The following LOC400499 variants were observed in gnomAD, a reference collection of about 807,000 sequenced individuals.
At chr16:11,503,998 T>C in the LOC400499 span, among the ~76,000 whole-genome samples, 836 of 152,302 alleles carry the variant, frequency 5.5e-3, 7 homozygotes, top group Non-Finnish European at 8.0e-3. Flanking sequence ...CAGCTGCCCT[T>C]GGCACCCTGG....
chr16:11,380,643 G>A, the LOC400499 span, among the ~76,000 whole-genome samples: 1 of 152,110 alleles, frequency 6.6e-6, no homozygotes, highest in African/African-American at 2.4e-5. Flanking sequence ...TATAACGGGT[G>A]ACTGCTTTTC....
chr16:11,463,861 G>A, the LOC400499 span, among the ~76,000 whole-genome samples: 10 of 152,196 alleles, frequency 6.6e-5, no homozygotes, highest in East Asian at 1.9e-4. Context: ...GTAAAGAGAT[G>A]CATATATACG....
At chr16:11,410,941 T>G in the LOC400499 span, among the ~76,000 whole-genome samples, 1 of 152,184 alleles carries the variant, frequency 6.6e-6, no homozygotes, top group Non-Finnish European at 1.5e-5. Context: ...TGCTCCAGCT[T>G]CTACAAGTGT....
the LOC400499 span, among the ~76,000 whole-genome samples, chr16:11,378,804 T>TAACA: frequency 6.6e-6 from 1 of 152,258 alleles, no homozygotes; most frequent in Non-Finnish European, 1.5e-5. Context: ...CTTTGAAGCC[T>TAACA]AACATACAAT....
chr16:11,396,561 G>C, the LOC400499 span: 65 of 1,232,076 alleles, frequency 5.3e-5, no homozygotes, highest in Non-Finnish European at 6.4e-5. Context: ...TGGTTTTGGA[G>C]GGTCAGGCTG....
the LOC400499 span, among the ~76,000 whole-genome samples, chr16:11,462,964 C>T: frequency 2.6e-5 from 4 of 152,194 alleles, no homozygotes; most frequent in Non-Finnish European, 5.9e-5. Context: ...CTGGCTCTCC[C>T]GGCTCCCATC....
At chr16:11,373,247 A>G in the LOC400499 span, among the ~76,000 whole-genome samples, 320 of 152,320 alleles carry the variant, frequency 2.1e-3, 1 homozygote, top group African/African-American at 7.2e-3. Flanking sequence ...CTGTTTCACC[A>G]TCAAGTGGGG....
At chr16:11,510,350 C>T in the LOC400499 span, among the ~76,000 whole-genome samples, 61 of 151,936 alleles carry the variant, frequency 4.0e-4, 2 homozygotes, top group African/African-American at 1.5e-3. Flanking sequence ...TCTCCTTAGC[C>T]CCCCAGGTGC....
the LOC400499 span, among the ~76,000 whole-genome samples, chr16:11,423,732 C>T: frequency 1.3e-5 from 2 of 152,188 alleles, no homozygotes; most frequent in Admixed American, 6.5e-5. Flanking sequence ...AGGACAGCTG[C>T]GGGTGTGAGG....
chr16:11,407,527 G>A, the LOC400499 span, among the ~76,000 whole-genome samples: 1 of 152,208 alleles, frequency 6.6e-6, no homozygotes, highest in East Asian at 1.9e-4. Context: ...CTCAGGTTAG[G>A]CCATCAAGCG....
chr16:11,399,452 C>G, the LOC400499 span: 7 of 402,162 alleles, frequency 1.7e-5, no homozygotes, highest in Admixed American at 2.6e-4. Flanking sequence ...CCTGCCCAGA[C>G]GCTGCTCCCC....
chr16:11,376,541 C>T, the LOC400499 span, among the ~76,000 whole-genome samples: 1 of 152,144 alleles, frequency 6.6e-6, no homozygotes, highest in Non-Finnish European at 1.5e-5. Flanking sequence ...TATTTCATTC[C>T]ACTGGTCTGT....
At chr16:11,463,649 G>A in the LOC400499 span, among the ~76,000 whole-genome samples, 1 of 152,192 alleles carries the variant, frequency 6.6e-6, no homozygotes, top group Non-Finnish European at 1.5e-5. Context: ...CACGTGGATT[G>A]TGTGAATATG....
the LOC400499 span, among the ~76,000 whole-genome samples, chr16:11,466,921 TTGTG>T: frequency 7.1e-4 from 107 of 151,182 alleles, no homozygotes; most frequent in Admixed American, 7.2e-4. Context: ...TATATGTGTA[TTGTG>T]TGTGTGTGTG....
the LOC400499 span, chr16:11,446,906 G>C: frequency 6.5e-7 from 1 of 1,534,080 alleles, no homozygotes; most frequent in Non-Finnish European, 8.7e-7. Context: ...AGGTGCAACG[G>C]GTGCCTGGTG....
the LOC400499 span, chr16:11,478,028 G>A: frequency 7.3e-5 from 29 of 398,632 alleles, no homozygotes; most frequent in South Asian, 1.3e-4. Flanking sequence ...AATGATAAGC[G>A]GGGGCCGGGC....
At chr16:11,483,994 C>CTTTTTTTTTTTTTTTTTTTTTTTTTT in the LOC400499 span, among the ~76,000 whole-genome samples, 1 of 34,830 alleles carries the variant, frequency 2.9e-5, no homozygotes, top group Non-Finnish European at 4.8e-5. Flanking sequence ...GAGGAAGGGA[C>CTTTTTTTTTTTTTTTTTTTTTTTTTT]TTTTTTTTTT....
the LOC400499 span, chr16:11,372,107 G>T: frequency 6.6e-6 from 1 of 152,226 alleles, no homozygotes; most frequent in Non-Finnish European, 1.5e-5. Context: ...GATGTAGCCT[G>T]GAGGCCTGAG....
chr16:11,484,875 T>A, the LOC400499 span: 1 of 399,144 alleles, frequency 2.5e-6, no homozygotes, highest in Non-Finnish European at 4.4e-6. Flanking sequence ...GCCACCTCCC[T>A]TACCTTCTGC....
Sources: gnomAD v4.1 joint callset for allele counts (sites outside exome capture counted in the v4.1 genomes callset) on GRCh38, gnomAD v4.1.1 for gene constraint, MANE v1.5 for transcripts.